The following PKHD1 variants were observed in gnomAD, a reference collection of about 807,000 sequenced individuals.
PKHD1 encodes PKHD1 ciliary IPT domain containing fibrocystin/polyductin, also known as fibrocystin.
A neutral mutation model predicts 412.0 loss-of-function variants in PKHD1; 291 were observed. The observed-to-expected ratio is 0.71, with a 90% CI of 0.64 to 0.78. The LOEUF (loss-of-function observed/expected upper bound fraction) is 0.78. Among genes scored for constraint, PKHD1 ranks in the 30% least tolerant of loss-of-function variants. The pLI is 0.00. For missense variants in PKHD1, 4,825 were observed against 4,950.7 expected (o/e 0.97, Z 0.76); for synonymous variants, 1,777 against 1,821.5 (o/e 0.98, Z 0.62).
intron 35 of PKHD1, among the ~76,000 whole-genome samples, chr6:51,973,489 G>T (rs556440609): frequency 5.3e-4 from 80 of 152,186 alleles, no homozygotes; most frequent in Non-Finnish European, 1.1e-3. Flanking sequence ...CAGAATCTTT[G>T]GTGAATACTA....
chr6:51,894,090 C>T (rs1408663713), intron 43 of PKHD1, among the ~76,000 whole-genome samples: 1 of 152,194 alleles, frequency 6.6e-6, no homozygotes, highest in East Asian at 1.9e-4. Context: ...CAGGTTATGT[C>T]TTCTGGAAAG....
intron 36 of PKHD1, among the ~76,000 whole-genome samples, chr6:51,956,828 G>A (rs1791221264): frequency 6.6e-6 from 1 of 151,980 alleles, no homozygotes; most frequent in Non-Finnish European, 1.5e-5. Context: ...AGGTCCTGAG[G>A]CAGGTATATT....
In PKHD1 at chr6:51,627,058, G is replaced by A. The variant is rs1181079286; in HGVS notation, c.11724C>T (p.His3908=). The change falls in exon 66 of 67, where the codon CAC becomes CAT. Residue 3908 remains histidine, a synonymous_variant. Transcript: ENST00000371117. ...GTGATTCTCGGCGTTTGGATGAGATGTGGATATGAATATTTTGATTATTAG... is the reference window on the plus strand; with the variant it reads ...GTGATTCTCGGCGTTTGGATGAGATATGGATATGAATATTTTGATTATTAG... ...SQTNNQNIHI[H]ISSKRRESQG... The A allele has an allele frequency of 6.2e-7, 1 of 1,610,116 alleles. No homozygotes were observed. Among genetic ancestry groups the A allele is most frequent in the South Asian group, 1.1e-5 (1 of 90,992 alleles).
At chr6:51,780,081 A>G (rs951057828) in intron 53 of PKHD1, among the ~76,000 whole-genome samples, 1 of 152,188 alleles carries the variant, frequency 6.6e-6, no homozygotes, top group Non-Finnish European at 1.5e-5. Flanking sequence ...ATTATCAAAG[A>G]ATACCATTAA....
At chr6:51,940,026 C>T (rs1788225077) in intron 36 of PKHD1, among the ~76,000 whole-genome samples, 1 of 151,578 alleles carries the variant, frequency 6.6e-6, no homozygotes, top group Admixed American at 6.6e-5. Context: ...GCTCCTTTTT[C>T]TTTATCTGAC....
intron 34 of PKHD1, among the ~76,000 whole-genome samples, chr6:52,012,148 C>T (rs1487184384): frequency 6.6e-6 from 1 of 152,208 alleles, no homozygotes; most frequent in African/African-American, 2.4e-5. Context: ...GAAGACATTA[C>T]TTCACTAAGC....
At chr6:52,030,752 G>C (rs1486145170) in intron 29 of PKHD1, among the ~76,000 whole-genome samples, 1 of 152,136 alleles carries the variant, frequency 6.6e-6, no homozygotes, top group Non-Finnish European at 1.5e-5. Context: ...GTAGCCTCTG[G>C]GACAGAGAGC....
At chr6:51,886,786 T>C (rs1778280514) in intron 44 of PKHD1, among the ~76,000 whole-genome samples, 1 of 152,120 alleles carries the variant, frequency 6.6e-6, no homozygotes, top group African/African-American at 2.4e-5. Flanking sequence ...TACTTAAAAA[T>C]TTGCTAAGAG....
intron 60 of PKHD1, among the ~76,000 whole-genome samples, chr6:51,678,933 T>C (rs1776245943): frequency 6.6e-6 from 1 of 151,946 alleles, no homozygotes; most frequent in Admixed American, 6.6e-5. Flanking sequence ...GCAGATGCAA[T>C]TCCTGGCACA....
At chr6:51,949,163 A>C (rs890701966) in intron 36 of PKHD1, among the ~76,000 whole-genome samples, 1 of 152,210 alleles carries the variant, frequency 6.6e-6, no homozygotes, top group South Asian at 2.1e-4. Flanking sequence ...CTAAATTTTT[A>C]GATGTAAACT....
intron 36 of PKHD1, among the ~76,000 whole-genome samples, chr6:51,944,501 A>G (rs1013649534): frequency 1.6e-4 from 25 of 152,172 alleles, no homozygotes; most frequent in African/African-American, 5.3e-4. Flanking sequence ...CTTCACTCAG[A>G]TTCATGACCC....
chr6:51,703,702 G>T (rs1348063102), intron 60 of PKHD1, among the ~76,000 whole-genome samples: 2 of 152,014 alleles, frequency 1.3e-5, no homozygotes, highest in African/African-American at 4.8e-5. Flanking sequence ...AAGGAGGTCT[G>T]TTGTAAACTA....
intron 6 of PKHD1, among the ~76,000 whole-genome samples, chr6:52,074,567 A>G (rs1811083629): frequency 6.6e-6 from 1 of 152,176 alleles, no homozygotes; most frequent in African/African-American, 2.4e-5. Flanking sequence ...AAAACTAACA[A>G]AAGACTGTAG....
At chr6:51,991,269 AAG>A (rs1252718523) in intron 35 of PKHD1, among the ~76,000 whole-genome samples, 1 of 152,256 alleles carries the variant, frequency 6.6e-6, no homozygotes, top group African/African-American at 2.4e-5. Flanking sequence ...AAACAAAAGA[AAG>A]AGAAAATAAA....
In PKHD1 at chr6:52,042,920, G is replaced by A. The variant is rs762949031; in HGVS notation, c.3036C>T (p.Asp1012=). 1.2e-6 allele frequency: 2 copies of A among 1,613,922 alleles called. No individual in the cohort carries two copies. The highest frequency in any genetic ancestry group is 1.3e-5 in the African/African-American group (1 of 75,024). ...GTCTAGGTTTCACATTTAGGAAGAG[G>A]TCTTCTCCAGTGGCACTGATGGCAA... The part of the protein sequence containing the change: ...SGLAISATGE[D]LFLNVKPRLD... The change falls in exon 27 of 67, where the codon GAC becomes GAT. Residue 1012 remains aspartate, a synonymous_variant. Transcript: ENST00000371117.
chr6:51,713,759 C>T (rs1186665416), intron 60 of PKHD1, among the ~76,000 whole-genome samples: 1 of 152,142 alleles, frequency 6.6e-6, no homozygotes, highest in Non-Finnish European at 1.5e-5. Context: ...AAGTTCAACC[C>T]TGCACTTGAG....
rs1808826082 is a variant in PKHD1 at position 52,062,515 on chromosome 6, A to T, written c.1118+4T>A. The T allele has an allele frequency of 1.2e-6, 2 of 1,614,024 alleles. No individual in the cohort carries two copies. Among genetic ancestry groups the T allele is most frequent in the Middle Eastern group, 3.3e-4 (2 of 6,058 alleles). On this transcript the variant is annotated splice_donor_region_variant and intron_variant, in intron 14 of 66. Transcript: ENST00000371117. ...TGTGGGCTCCCACTTTTCCTACAACATACCTGAAAGGTTGTCCTTCCTGTG... is the reference window on the plus strand; with the variant it reads ...TGTGGGCTCCCACTTTTCCTACAACTTACCTGAAAGGTTGTCCTTCCTGTG...
At chr6:52,010,573 T>C (rs1215405086) in intron 34 of PKHD1, 114 bp from the exon 35 acceptor site, 6 of 880,670 alleles carry the variant, frequency 6.8e-6, no homozygotes, top group Non-Finnish European at 1.1e-5. Flanking sequence ...AGGCCACCAT[T>C]TGTCAAATTT....
At chr6:52,027,971 T>A in intron 30 of PKHD1, 75 bp from the exon 31 acceptor site, 1 of 1,285,440 alleles carries the variant, frequency 7.8e-7, no homozygotes, top group Non-Finnish European at 1.1e-6. Context: ...AAGAGCCATA[T>A]GTATTTTGAG....
Sources: allele counts gnomAD v4.1 joint callset (sites outside exome capture counted in the v4.1 genomes callset), GRCh38; gene constraint gnomAD v4.1.1; transcripts MANE v1.5; gene names NCBI Gene and HGNC (gene_info 2026-07-23, HGNC 2026-07-21).